RANBP17: variants seen among roughly 807,000 people sequenced by gnomAD.
RANBP17 encodes the protein ran-binding protein 17.
Under a neutral mutation model 141.2 loss-of-function variants are expected in RANBP17, and 158 were observed. That is an observed-to-expected ratio of 1.12 (90% CI 0.98 to 1.28). The LOEUF (loss-of-function observed/expected upper bound fraction) is 1.28, where lower values mean the gene tolerates loss of function less well. RANBP17 is among the 50% of genes most tolerant of loss of function. The pLI, the probability that RANBP17 is intolerant of heterozygous loss-of-function variation, is 0.00. For synonymous variants in RANBP17, 430 were observed against 450.0 expected, an observed-to-expected ratio of 0.96 and a Z score of 0.56; for missense variants, 1,438 against 1,290.7, an observed-to-expected ratio of 1.11 and a Z score of -1.75.
At chr5:171,214,534 A>T (rs150390127) in intron 21 of RANBP17, among the ~76,000 whole-genome samples, 4 of 152,262 alleles carry the variant, frequency 2.6e-5, no homozygotes, top group Non-Finnish European at 2.9e-5. Flanking sequence ...AGGTATCCAG[A>T]CAGGGAAGGG....
chr5:171,253,585 A>G (rs1765708308), intron 24 of RANBP17, among the ~76,000 whole-genome samples: 1 of 152,256 alleles, frequency 6.6e-6, no homozygotes, highest in Admixed American at 6.5e-5. Context: ...CAATTGGTCA[A>G]AAGTGGCTTT....
At chr5:171,176,033 G>A (rs376829218) in intron 16 of RANBP17, among the ~76,000 whole-genome samples, 10 of 152,164 alleles carry the variant, frequency 6.6e-5, no homozygotes, top group Non-Finnish European at 1.0e-4. Context: ...TATACAGCCC[G>A]CATGCCTGTG....
At chr5:171,080,913 A>G (rs1443433874) in intron 14 of RANBP17, among the ~76,000 whole-genome samples, 4 of 152,206 alleles carry the variant, frequency 2.6e-5, no homozygotes, top group Admixed American at 2.0e-4. Context: ...TGTTTTCATC[A>G]TAAGTGTAAT....
Position 171,008,720 on chromosome 5 carries a change from G to A in RANBP17, c.1710+40343G>A, listed in dbSNP as rs145692402. 2.5e-3 allele frequency among the ~76,000 whole-genome samples: 383 copies of A among 152,268 alleles called. 4 individuals carry two copies. The highest frequency in any genetic ancestry group is 7.7e-3 in the African/African-American group (321 of 41,552). On this transcript the variant is annotated intron_variant, in intron 14 of 27. Transcript: ENST00000523189. ...GGTGGGGCAAAAACAAATCACAAGG[G>A]TGGAATGTCATCAGTTAAGGCTATT... is the stretch of plus-strand genomic sequence containing the variant.
intron 3 of RANBP17, among the ~76,000 whole-genome samples, chr5:170,884,156 G>T (rs556538259): frequency 3.3e-5 from 5 of 152,246 alleles, no homozygotes; most frequent in African/African-American, 1.2e-4. Context: ...ATGTGTAGTG[G>T]TATCTCCTTG....
chr5:170,949,393 A>G (rs1264348815), intron 12 of RANBP17, among the ~76,000 whole-genome samples: 1 of 152,204 alleles, frequency 6.6e-6, no homozygotes, highest in Non-Finnish European at 1.5e-5. Context: ...AATGAAAAAG[A>G]CAACCCTTAA....
chr5:170,882,025 C>T (rs1251023431), intron 3 of RANBP17, 129 bp downstream of exon 3: 1 of 580,788 alleles, frequency 1.7e-6, no homozygotes, highest in Non-Finnish European at 3.0e-6. Flanking sequence ...TATCAAGTCT[C>T]ATTTACTCAT....
In RANBP17 at chr5:170,949,439, A is replaced by G. The variant is rs1561921182; in HGVS notation, c.1469-4158A>G. Among the ~76,000 whole-genome samples, 4 of 152,200 alleles carry G rather than the reference A, an allele frequency of 2.6e-5. No individual in the cohort carries two copies. In the South Asian group the frequency reaches 8.3e-4, roughly 31 times the overall value. On this transcript the variant is annotated intron_variant, in intron 12 of 27. Coordinates refer to ENST00000523189, the MANE Select transcript of RANBP17 (RefSeq NM_022897.5). ...TGGATTTGAATAGACATTTCTCCAA[A>G]GAAGACACACAAATGACCACTAAAC...
chr5:170,916,236 A>C (rs1463131204), intron 8 of RANBP17, among the ~76,000 whole-genome samples: 1 of 27,916 alleles, frequency 3.6e-5, no homozygotes, highest in African/African-American at 9.9e-5. Flanking sequence ...ATTGCATTAT[A>C]ATGCGTTATA....
At chr5:170,932,919 G>A (rs1412025322) in intron 12 of RANBP17, among the ~76,000 whole-genome samples, 4 of 152,142 alleles carry the variant, frequency 2.6e-5, no homozygotes, top group Admixed American at 6.5e-5. Context: ...GATGATGTTG[G>A]CCTCATAAAA....
At chr5:170,903,511 G>A (rs1212054239) in intron 5 of RANBP17, 1 of 193,752 alleles carries the variant, frequency 5.2e-6, no homozygotes, top group Non-Finnish European at 1.2e-5. Flanking sequence ...TTGCTGGCTG[G>A]CGTTCCAGGT....
chr5:171,026,409 C>T (rs1781238594), intron 14 of RANBP17, among the ~76,000 whole-genome samples: 1 of 152,152 alleles, frequency 6.6e-6, no homozygotes, highest in Admixed American at 6.5e-5. Context: ...TATACTCTAC[C>T]ACTGTATGTT....
intron 25 of RANBP17, among the ~76,000 whole-genome samples, chr5:171,292,664 G>C (rs1282927650): frequency 6.6e-6 from 1 of 152,198 alleles, no homozygotes. Context: ...GGGAACAGAA[G>C]AGCTTAGAGG....
intron 14 of RANBP17, among the ~76,000 whole-genome samples, chr5:171,054,872 GTGA>G (rs1276965073): frequency 6.6e-6 from 1 of 152,134 alleles, no homozygotes; most frequent in African/African-American, 2.4e-5. Flanking sequence ...CTGAAAACAG[GTGA>G]TGATATACAT....
At chr5:171,293,793 G>A (rs1243326410) in intron 25 of RANBP17, 90 bp from the exon 26 acceptor site, 1 of 908,670 alleles carries the variant, frequency 1.1e-6, no homozygotes, top group Admixed American at 1.7e-5. Context: ...TAGCAAGATG[G>A]AGGGGTGGAA....
At chr5:170,972,300 G>T (rs1281146702) in intron 14 of RANBP17, among the ~76,000 whole-genome samples, 1 of 150,082 alleles carries the variant, frequency 6.7e-6, no homozygotes. Context: ...TCCTGCCTCA[G>T]CCTCCCAAGT....
At chr5:170,875,085 G>A (rs1332537175) in intron 1 of RANBP17, among the ~76,000 whole-genome samples, 1 of 152,066 alleles carries the variant, frequency 6.6e-6, no homozygotes, top group African/African-American at 2.4e-5. Context: ...CTTCTCTTAC[G>A]AAGCTTAGTT....
At chr5:170,997,002 CAT>C (rs1270768967) in intron 14 of RANBP17, among the ~76,000 whole-genome samples, 9 of 152,104 alleles carry the variant, frequency 5.9e-5, no homozygotes, top group African/African-American at 2.2e-4. Flanking sequence ...TCATAATCGT[CAT>C]GTGTCAAAAG....
intron 12 of RANBP17, among the ~76,000 whole-genome samples, chr5:170,939,570 G>A (rs1374783315): frequency 1.3e-5 from 2 of 151,860 alleles, no homozygotes; most frequent in African/African-American, 4.8e-5. Context: ...TGTTTTAGTA[G>A]AGACGGAGTT....
Sources: gnomAD v4.1 joint callset for allele counts (sites outside exome capture counted in the v4.1 genomes callset) on GRCh38, gnomAD v4.1.1 for gene constraint, MANE v1.5 for transcripts, NCBI Gene and HGNC (gene_info 2026-07-23, HGNC 2026-07-21) for gene names.